RIMS1: variants seen among roughly 807,000 people sequenced by gnomAD.
The protein encoded by RIMS1 is regulating synaptic membrane exocytosis protein 1.
Under a neutral mutation model 214.1 loss-of-function variants are expected in RIMS1, and 83 were observed. The ratio of observed to expected loss-of-function variants is 0.39; its 90% confidence interval spans 0.32 to 0.47. The LOEUF is 0.47. Ranked by LOEUF, RIMS1 falls within the 20% of genes least tolerant of loss-of-function variation. RIMS1 has a pLI of 0.99. For missense variants in RIMS1, 2,050 were observed against 2,161.8 expected, an observed-to-expected ratio of 0.95 and a Z score of 1.03; for synonymous variants, 793 against 786.8, an observed-to-expected ratio of 1.01 and a Z score of -0.13.
At chr6:72,263,207 C>A in intron 19 of RIMS1, 2 of 985,052 alleles carry the variant, frequency 2.0e-6, no homozygotes, top group Non-Finnish European at 2.4e-6. Context: ...ATATTAAAGT[C>A]ATGTTCTAAA....
At chr6:72,032,730 T>C (rs1332894694) in intron 2 of RIMS1, among the ~76,000 whole-genome samples, 2 of 152,324 alleles carry the variant, frequency 1.3e-5, no homozygotes, top group African/African-American at 4.8e-5. Context: ...TAAAATTCTA[T>C]GATCTATATG....
intron 4 of RIMS1, among the ~76,000 whole-genome samples, chr6:72,133,837 CT>C (rs1249055263): frequency 6.6e-6 from 1 of 152,136 alleles, no homozygotes; most frequent in Non-Finnish European, 1.5e-5. Flanking sequence ...CCTTTGTCAT[CT>C]TCCAAAAGCA....
At chr6:72,135,019 T>G (rs2041055152) in intron 4 of RIMS1, among the ~76,000 whole-genome samples, 1 of 152,094 alleles carries the variant, frequency 6.6e-6, no homozygotes, top group Non-Finnish European at 1.5e-5. Context: ...ATGATAATAA[T>G]AAATATATAA....
chr6:72,308,307 T>G (rs2095333074), intron 27 of RIMS1, among the ~76,000 whole-genome samples: 2 of 152,118 alleles, frequency 1.3e-5, no homozygotes, highest in South Asian at 4.1e-4. Context: ...TTGTTCTTCA[T>G]GAAGTAATTT....
chr6:72,104,257 C>T (rs2034265123), intron 4 of RIMS1, among the ~76,000 whole-genome samples: 1 of 152,254 alleles, frequency 6.6e-6, no homozygotes, highest in South Asian at 2.1e-4. Context: ...TTTTATCTCT[C>T]AGCCATAGGT....
At chr6:72,268,220 CTTTGTTA>C (rs1490835129) in intron 22 of RIMS1, among the ~76,000 whole-genome samples, 1 of 151,990 alleles carries the variant, frequency 6.6e-6, no homozygotes, top group Admixed American at 6.6e-5. Context: ...AGAGTGGTGA[CTTTGTTA>C]TCTTTGGAGA....
At chr6:71,987,670 A>G (rs1215435108) in intron 2 of RIMS1, among the ~76,000 whole-genome samples, 1 of 152,200 alleles carries the variant, frequency 6.6e-6, no homozygotes, top group African/African-American at 2.4e-5. Context: ...TGAGAGATAC[A>G]CAATATCATT....
At position 72,284,116 on chromosome 6, in the gene RIMS1, A is replaced by C; in HGVS notation, c.3552A>C (p.Glu1184Asp). The C allele has an allele frequency of 6.2e-7, 1 of 1,612,686 alleles. No individual in the cohort carries two copies. The highest frequency in any genetic ancestry group is 8.5e-7 in the Non-Finnish European group (1 of 1,178,926). ...QTRKGTASDA[E>D]RVLPTCLSRR... ...GGAAAGGCACTGCCTCTGATGCAGA[A>C]AGGTAGGCTTGGTGTTGTGGTGTGC... The change falls in exon 24 of 34, where the codon GAA becomes GAC. Residue 1184 changes from glutamate (E) to aspartate (D), a missense_variant and splice_region_variant. Transcript: ENST00000521978.
At chr6:72,139,069 C>T (rs1242570907) in intron 4 of RIMS1, among the ~76,000 whole-genome samples, 2 of 152,076 alleles carry the variant, frequency 1.3e-5, no homozygotes, top group African/African-American at 4.8e-5. Context: ...TATGTAGATA[C>T]ACACACGTAG....
chr6:72,369,778 C>T (rs2098158288), intron 29 of RIMS1, among the ~76,000 whole-genome samples: 1 of 152,170 alleles, frequency 6.6e-6, no homozygotes, highest in Non-Finnish European at 1.5e-5. Flanking sequence ...CATCAGAAAA[C>T]CCCAAAGTAT....
At chr6:72,320,639 T>C (rs989849130) in intron 28 of RIMS1, among the ~76,000 whole-genome samples, 9 of 152,042 alleles carry the variant, frequency 5.9e-5, no homozygotes, top group African/African-American at 1.7e-4. Context: ...AGAAAACTAC[T>C]AGAATGTTCT....
At chr6:72,310,263 A>G (rs547391440) in intron 27 of RIMS1, among the ~76,000 whole-genome samples, 3 of 152,204 alleles carry the variant, frequency 2.0e-5, no homozygotes, top group Admixed American at 2.0e-4. Context: ...AATTCCTGAG[A>G]TGCTTCTTGA....
intron 4 of RIMS1, among the ~76,000 whole-genome samples, chr6:72,171,552 G>A (rs1040779260): frequency 1.3e-5 from 2 of 152,074 alleles, no homozygotes; most frequent in Non-Finnish European, 2.9e-5. Flanking sequence ...CAATTTAGAT[G>A]TATTATTTCA....
chr6:72,020,177 C>A (rs1814172012), intron 2 of RIMS1, among the ~76,000 whole-genome samples: 1 of 152,226 alleles, frequency 6.6e-6, no homozygotes, highest in African/African-American at 2.4e-5. Flanking sequence ...TTTAATATAG[C>A]AGTCAATTAG....
chr6:72,102,528 T>A (rs573129338), intron 4 of RIMS1, among the ~76,000 whole-genome samples: 27 of 152,148 alleles, frequency 1.8e-4, no homozygotes, highest in Admixed American at 2.6e-4. Context: ...TTCGTAACTG[T>A]CCATTGAAGT....
intron 4 of RIMS1, among the ~76,000 whole-genome samples, chr6:72,173,531 C>T (rs1308177841): frequency 3.3e-5 from 5 of 151,856 alleles, no homozygotes; most frequent in African/African-American, 1.2e-4. Flanking sequence ...TTTTTTCATA[C>T]ATCCTTTCTT....
chr6:72,224,815 A>C (rs2807535), intron 6 of RIMS1, among the ~76,000 whole-genome samples: 1 of 152,056 alleles, frequency 6.6e-6, no homozygotes, highest in African/African-American at 2.4e-5. Flanking sequence ...TTGAAAGAAC[A>C]TGACTTTATA....
At chr6:72,073,255 T>C (rs1410465284) in intron 2 of RIMS1, among the ~76,000 whole-genome samples, 1 of 152,200 alleles carries the variant, frequency 6.6e-6, no homozygotes, top group Non-Finnish European at 1.5e-5. Context: ...TTAGCTCTTG[T>C]CACTCTAAAC....
intron 6 of RIMS1, among the ~76,000 whole-genome samples, chr6:72,213,983 A>G (rs1324025652): frequency 2.0e-5 from 3 of 152,214 alleles, no homozygotes; most frequent in Admixed American, 6.5e-5. Context: ...TTAAATGAGT[A>G]AATATTGTTA....
Sources: allele counts gnomAD v4.1 joint callset (sites outside exome capture counted in the v4.1 genomes callset), GRCh38; gene constraint gnomAD v4.1.1; transcripts MANE v1.5; gene names NCBI Gene and HGNC (gene_info 2026-07-23, HGNC 2026-07-21).